Variants in RPSA2 observed in about 807,000 individuals in gnomAD.
RPSA2 encodes small ribosomal subunit protein uS2B.
At chr19:23,827,700 G>T in the RPSA2 span, 36 of 1,592,464 alleles carry the variant, frequency 2.3e-5, no homozygotes, top group Non-Finnish European at 2.7e-5. Context: ...ATGCTGGCTC[G>T]GGAAGTTCTG....
chr19:23,790,387 AAG>A, the RPSA2 span, among the ~76,000 whole-genome samples: 1,664 of 152,242 alleles, frequency 0.011, 32 homozygotes, highest in African/African-American at 0.038. Context: ...AGAAAGAAAA[AAG>A]AGAATTTTCC....
the RPSA2 span, among the ~76,000 whole-genome samples, chr19:23,820,560 T>G: frequency 6.6e-6 from 1 of 152,200 alleles, no homozygotes; most frequent in Non-Finnish European, 1.5e-5. Flanking sequence ...TCCATTTCCC[T>G]TGGCCTCCTG....
At chr19:23,816,894 A>T in the RPSA2 span, among the ~76,000 whole-genome samples, 10 of 152,152 alleles carry the variant, frequency 6.6e-5, no homozygotes, top group Non-Finnish European at 1.3e-4. Context: ...CCATGATTCA[A>T]TTACCTTCCA....
the RPSA2 span, among the ~76,000 whole-genome samples, chr19:23,773,582 TG>T: frequency 6.6e-6 from 1 of 152,178 alleles, no homozygotes; most frequent in Non-Finnish European, 1.5e-5. Context: ...ACAGCCGGCC[TG>T]GAGATTTTTA....
the RPSA2 span, among the ~76,000 whole-genome samples, chr19:23,833,544 T>G: frequency 1.3e-5 from 2 of 152,126 alleles, no homozygotes; most frequent in Admixed American, 1.3e-4. Context: ...ATACTGGAGA[T>G]AACTATCAGT....
the RPSA2 span, among the ~76,000 whole-genome samples, chr19:23,845,909 G>A: frequency 1.6e-4 from 24 of 152,006 alleles, 1 homozygote; most frequent in Admixed American, 6.5e-4. Context: ...ATTCTACTAT[G>A]GTCTAAGTAG....
the RPSA2 span, among the ~76,000 whole-genome samples, chr19:23,785,622 T>A: frequency 6.6e-6 from 1 of 152,186 alleles, no homozygotes; most frequent in African/African-American, 2.4e-5. Context: ...TGGCTGAGTA[T>A]TAAAGTGATG....
the RPSA2 span, among the ~76,000 whole-genome samples, chr19:23,854,209 A>C: frequency 3.9e-5 from 6 of 152,240 alleles, no homozygotes; most frequent in African/African-American, 7.2e-5. Context: ...TAGTATGAAC[A>C]GTGATTCCTT....
At chr19:23,769,677 G>T in the RPSA2 span, among the ~76,000 whole-genome samples, 5 of 152,088 alleles carry the variant, frequency 3.3e-5, no homozygotes, top group African/African-American at 1.2e-4. Flanking sequence ...CTCTTCTTGG[G>T]ATATTGTGAC....
At chr19:23,859,124 C>T in the RPSA2 span, among the ~76,000 whole-genome samples, 3 of 152,210 alleles carry the variant, frequency 2.0e-5, no homozygotes, top group East Asian at 3.9e-4. Flanking sequence ...AGACAAGTGA[C>T]CCTGCTTCAT....
the RPSA2 span, among the ~76,000 whole-genome samples, chr19:23,760,214 T>C: frequency 6.6e-6 from 1 of 152,122 alleles, no homozygotes; most frequent in Admixed American, 6.6e-5. Flanking sequence ...TATCTCCACA[T>C]GGGGCCAGGA....
chr19:23,846,632 T>C, the RPSA2 span, among the ~76,000 whole-genome samples: 1 of 152,210 alleles, frequency 6.6e-6, no homozygotes, highest in Non-Finnish European at 1.5e-5. Flanking sequence ...TTAATCTAGC[T>C]TGATGTAAAA....
At chr19:23,845,546 C>A in the RPSA2 span, among the ~76,000 whole-genome samples, 3 of 152,198 alleles carry the variant, frequency 2.0e-5, no homozygotes, top group Non-Finnish European at 4.4e-5. Context: ...GGCTGGAGTG[C>A]AGTGGAACAA....
At chr19:23,773,291 A>ATTT in the RPSA2 span, among the ~76,000 whole-genome samples, 2 of 141,084 alleles carry the variant, frequency 1.4e-5, no homozygotes, top group Non-Finnish European at 1.5e-5. Flanking sequence ...TATATATCAA[A>ATTT]TTTTTTTTTT....
the RPSA2 span, among the ~76,000 whole-genome samples, chr19:23,810,085 GTTGTC>G: frequency 6.6e-6 from 1 of 152,072 alleles, no homozygotes; most frequent in Non-Finnish European, 1.5e-5. Context: ...TTCACCTTTA[GTTGTC>G]TTGTTAAAAG....
the RPSA2 span, among the ~76,000 whole-genome samples, chr19:23,870,813 A>G: frequency 2.0e-5 from 3 of 152,180 alleles, no homozygotes; most frequent in Non-Finnish European, 4.4e-5. Context: ...GGGATCCAGA[A>G]GCCTGAGGAT....
chr19:23,789,364 G>T, the RPSA2 span, among the ~76,000 whole-genome samples: 4 of 152,136 alleles, frequency 2.6e-5, no homozygotes, highest in Non-Finnish European at 5.9e-5. Context: ...AGGTACCTAG[G>T]TGATGTGATA....
At chr19:23,841,352 T>C in the RPSA2 span, among the ~76,000 whole-genome samples, 1 of 152,032 alleles carries the variant, frequency 6.6e-6, no homozygotes, top group Non-Finnish European at 1.5e-5. Context: ...TAGTCCCAGC[T>C]ACTCGGGAGG....
chr19:23,820,439 G>A, the RPSA2 span, among the ~76,000 whole-genome samples: 1 of 152,172 alleles, frequency 6.6e-6, no homozygotes, highest in South Asian at 2.1e-4. Flanking sequence ...CACTTAGAGA[G>A]TAACTCCGGG....
Sources: gnomAD v4.1 joint callset for allele counts (sites outside exome capture counted in the v4.1 genomes callset) on GRCh38, gnomAD v4.1.1 for gene constraint, MANE v1.5 for transcripts, NCBI Gene and HGNC (gene_info 2026-07-23, HGNC 2026-07-21) for gene names.